Variants in DONSON observed in about 807,000 individuals in gnomAD.
DONSON encodes DNA replication fork stabilization factor DONSON.
DONSON carries 43 observed loss-of-function variants against 62.1 expected under a neutral mutation model. The observed-to-expected ratio is 0.69, with a 90% CI of 0.54 to 0.89. DONSON has a LOEUF of 0.89. DONSON is among the 40% of genes least tolerant of loss of function. The probability of loss-of-function intolerance (pLI) is 0.00; values close to 1 mark genes in which losing one functional copy is unlikely to be tolerated. For synonymous variants in DONSON, 266 were observed against 264.6 expected (o/e 1.01, Z -0.05); for missense variants, 696 against 697.5 (o/e 1.00, Z 0.03).
intron 9 of DONSON, among the ~76,000 whole-genome samples, chr21:33,578,845 T>C (rs1453490944): frequency 6.6e-6 from 1 of 152,158 alleles, no homozygotes; most frequent in East Asian, 1.9e-4. Context: ...GTTAAAACTA[T>C]TTGGACTGAG....
Position 33,586,122 on chromosome 21 carries a change from A to C in DONSON, c.462T>G (p.Pro154=). ...DIPSSKSTEL[P]VDWSIKTRLL... ...GTCGCGTTTTAATACTCCAGTCCAC[A>C]GGTAACTCAGTACTTTTTGAGGACG... The change falls in exon 3 of 10, where the codon CCT becomes CCG. Residue 154 remains proline (P), a synonymous_variant. Transcript: ENST00000303071. The C allele has an allele frequency of 6.2e-7, 1 of 1,614,188 alleles. No individual in the cohort carries two copies. The highest frequency in any genetic ancestry group is 8.5e-7 in the Non-Finnish European group (1 of 1,180,018).
At position 33,588,499 on chromosome 21, in the gene DONSON, G is replaced by A; in HGVS notation, c.143C>T (p.Ala48Val). The change falls in exon 1 of 10, where the codon GCC becomes GTC. Residue 48 changes from alanine (A) to valine (V), a missense_variant. Ala to Val is a moderately conservative substitution (Grantham distance 64). Transcript: ENST00000303071. Reference protein sequence around the residue: ...ELTEPAARRAALVAGLPLRPF... With the variant: ...ELTEPAARRAVLVAGLPLRPF... ...GCGAAGAGGCAGCCCCGCCACCAGGGCGGCTCGGCGGGCCGCCGGCTCCGT... is the reference window on the plus strand; with the variant it reads ...GCGAAGAGGCAGCCCCGCCACCAGGACGGCTCGGCGGGCCGCCGGCTCCGT... 8.0e-7 allele frequency: 1 copy of A among 1,256,016 alleles called. No homozygotes were observed. Among genetic ancestry groups the A allele is most frequent in the Non-Finnish European group, 1.0e-6 (1 of 1,000,980 alleles). 77.8% of individuals were successfully genotyped at this position (1,256,016 alleles called of 1,614,324 possible).
intron 1 of DONSON, 110 bp from the exon 2 acceptor site, chr21:33,587,712 T>A: frequency 1.5e-6 from 1 of 668,420 alleles, no homozygotes; most frequent in Non-Finnish European, 2.5e-6. Context: ...CAAGTACACC[T>A]AAATTCAGAG....
At position 33,581,588 on chromosome 21, in the gene DONSON, T is replaced by C. The variant is rs368214290; in HGVS notation, c.1152-88A>G. On this transcript the variant is annotated intron_variant, in intron 7 of 9. Coordinates refer to ENST00000303071, the MANE Select transcript of DONSON (RefSeq NM_017613.4). ...TTGATTCTGAATCACCTGAGACTCCTTTTCTCCATAATGAAATGGAAATCC... is the reference window on the plus strand; with the variant it reads ...TTGATTCTGAATCACCTGAGACTCCCTTTCTCCATAATGAAATGGAAATCC... The C allele has an allele frequency of 9.5e-6, 10 of 1,050,428 alleles. No homozygotes were observed. In the South Asian group the frequency reaches 1.4e-4, roughly 15 times the overall value. The allele number at this position is 1,050,428 out of a possible 1,614,324, so 65.1% of individuals were successfully genotyped here.
intron 2 of DONSON, among the ~76,000 whole-genome samples, chr21:33,586,796 G>A (rs2086582111): frequency 6.6e-6 from 1 of 152,024 alleles, no homozygotes; most frequent in African/African-American, 2.4e-5. Flanking sequence ...CACCACGCCT[G>A]GCTAATTTTT....
intron 4 of DONSON, among the ~76,000 whole-genome samples, chr21:33,584,377 T>C (rs746352452): frequency 6.6e-6 from 1 of 151,010 alleles, no homozygotes; most frequent in African/African-American, 2.4e-5. Flanking sequence ...CCAACACTTA[T>C]ATACATTCTA....
chr21:33,583,475 C>A lies in DONSON; in HGVS notation c.964+13G>T. The A allele has an allele frequency of 1.2e-6, 2 of 1,611,820 alleles. No individual in the cohort carries two copies. Among genetic ancestry groups the A allele is most frequent in the Non-Finnish European group, 1.7e-6 (2 of 1,178,816 alleles). ...TATAGTATAGTATTCTCACTTTAAA[C>A]CTAAACTTTTACCTTCATTTCTCAT... On this transcript the variant is annotated intron_variant, in intron 5 of 9. Coordinates refer to ENST00000303071, the MANE Select transcript of DONSON (RefSeq NM_017613.4).
rs1569073138 is a variant in DONSON, at chr21:33,577,676, CACACACACACACACACACA to C, written c.*612_*630del. 4 of 107,538 alleles carry C rather than the reference CACACACACACACACACACA, an allele frequency of 3.7e-5. 1 individual carries two copies. Among genetic ancestry groups the C allele is most frequent in the African/African-American group, 1.7e-4 (4 of 23,620 alleles). 6.7% of individuals were successfully genotyped at this position (107,538 alleles called of 1,614,324 possible). On this transcript the variant is annotated 3_prime_UTR_variant, in exon 10 of 10. Transcript: ENST00000303071. ...ACACACACACACACACACACACACA[CACACACACACACACACACA>C]CACACACCCCTATAAGCACATTAAA...
In DONSON at chr21:33,588,480, A is replaced by C; in HGVS notation, c.162T>G (p.Pro54=). ...ARRAALVAGL[P]LRPFPAAGGR... ...CCCCCGCAGCAGGGAAAGGGCGAAG[A>C]GGCAGCCCCGCCACCAGGGCGGCTC... Residue 54 remains proline (P), a synonymous_variant, in exon 1 of 10, where the codon CCT becomes CCG. Coordinates refer to ENST00000303071, the MANE Select transcript of DONSON (RefSeq NM_017613.4). 1 of 1,269,194 alleles carries C rather than the reference A, an allele frequency of 7.9e-7. No homozygotes were observed. Among genetic ancestry groups the C allele is most frequent in the Non-Finnish European group, 9.9e-7 (1 of 1,008,934 alleles). 78.6% of individuals were successfully genotyped at this position (1,269,194 alleles called of 1,614,324 possible).
intron 9 of DONSON, among the ~76,000 whole-genome samples, chr21:33,579,068 G>T (rs1314141865): frequency 2.8e-5 from 3 of 106,584 alleles, no homozygotes; most frequent in Non-Finnish European, 3.8e-5. Flanking sequence ...AACCCAGGAG[G>T]CTAAGGCTGC....
chr21:33,584,468 T>A (rs2145905544), intron 4 of DONSON, 122 bp downstream of exon 4: 3 of 972,708 alleles, frequency 3.1e-6, no homozygotes, highest in Middle Eastern at 7.1e-4. Flanking sequence ...TAGGTTCAGA[T>A]AAAATTCACA....
rs1421160829 is a variant in DONSON at position 33,578,199 on chromosome 21, A to AGTT, written c.*105_*107dup. 1 of 1,232,514 alleles carries AGTT rather than the reference A, an allele frequency of 8.1e-7. No individual in the cohort carries two copies. The highest frequency in any genetic ancestry group is 2.3e-5 in the Admixed American group (1 of 42,604). The allele number at this position is 1,232,514 out of a possible 1,614,324, so 76.3% of individuals were successfully genotyped here. ...AAACCTTAGATGCTACTGTAGTAAA[A>AGTT]GTTATGTTTATAAACATTTCAGTAT... On this transcript the variant is annotated 3_prime_UTR_variant, in exon 10 of 10. Coordinates refer to ENST00000303071, the MANE Select transcript of DONSON (RefSeq NM_017613.4).
chr21:33,582,627 A>T (rs1601314425), intron 5 of DONSON, among the ~76,000 whole-genome samples: 2 of 152,178 alleles, frequency 1.3e-5, no homozygotes, highest in Non-Finnish European at 2.9e-5. Context: ...TCAGATAGTG[A>T]CTATCTGGCC....
chr21:33,584,485 T>C, intron 4 of DONSON, 105 bp downstream of exon 4: 1 of 1,118,638 alleles, frequency 8.9e-7, no homozygotes, highest in South Asian at 1.9e-5. Context: ...CACAAGGATC[T>C]AGATACCCTT....
Position 33,588,496 on chromosome 21 carries a change from A to AG in DONSON, c.145dup (p.Leu49ProfsTer64). 8.0e-7 allele frequency: 1 copy of AG among 1,257,536 alleles called. No individual in the cohort carries two copies. Among genetic ancestry groups the AG allele is most frequent in the Non-Finnish European group, 1.0e-6 (1 of 1,001,814 alleles). The allele number at this position is 1,257,536 out of a possible 1,614,324, so 77.9% of individuals were successfully genotyped here. ...AGGGCGAAGAGGCAGCCCCGCCACC[A>AG]GGGCGGCTCGGCGGGCCGCCGGCTC... On this transcript the variant is annotated frameshift_variant, in exon 1 of 10. Transcript: ENST00000303071. LOFTEE classifies it high-confidence loss of function.
chr21:33,581,464 T>C lies in DONSON; in HGVS notation c.1188A>G (p.Arg396=), dbSNP rs1250011222. 1.2e-6 allele frequency: 2 copies of C among 1,613,796 alleles called. No homozygotes were observed. The highest frequency in any genetic ancestry group is 1.7e-6 in the Non-Finnish European group (2 of 1,179,858). ...KEKHEVQMDH[R]PESVVLVKGI... Reference sequence around the variant, plus strand: ...CTTTTACCAACACAACAGATTCAGGTCTGTGATCCATTTGTACTTCATGTT... The same window carrying C: ...CTTTTACCAACACAACAGATTCAGGCCTGTGATCCATTTGTACTTCATGTT... The change falls in exon 8 of 10, where the codon AGA becomes AGG. Residue 396 remains arginine, a synonymous_variant. Transcript: ENST00000303071.
intron 2 of DONSON, among the ~76,000 whole-genome samples, chr21:33,586,826 G>A (rs192534721): frequency 8.6e-5 from 13 of 151,904 alleles, no homozygotes; most frequent in South Asian, 2.1e-4. Flanking sequence ...TAGTCGAGAC[G>A]GGGGTTTCGT....
In DONSON at chr21:33,581,259, G is replaced by C; in HGVS notation, c.1350+43C>G. On this transcript the variant is annotated intron_variant, in intron 8 of 9. Transcript: ENST00000303071. ...TAAATCAAGAATTTATCCTATCAAA[G>C]TAAAGTACTTCTTAAAAGCTAGGTT... is the stretch of plus-strand genomic sequence containing the variant. 17 of 1,568,090 alleles carry C rather than the reference G, an allele frequency of 1.1e-5. 1 individual carries two copies. The Admixed American group carries it at 2.8e-4, about 26-fold the overall frequency.
rs1404093688 is a variant in DONSON at position 33,588,359 on chromosome 21, CG to C, written c.282del (p.Asp95ThrfsTer15). On this transcript the variant is annotated frameshift_variant, in exon 1 of 10. Transcript: ENST00000303071. LOFTEE classifies it high-confidence loss of function. Reference protein sequence around the residue: ...DNRPRVAAEPPDGPAREQPEA... With the variant: ...DNRPRVAAEPXDGPAREQPEA... ...TCCGGCTGCTCGCGGGCCGGCCCGT[CG>C]GGGGGCTCCGCGGCGACCCGCGGTC... 7.7e-6 allele frequency: 10 copies of C among 1,292,446 alleles called. No homozygotes were observed. The highest frequency in any genetic ancestry group is 3.0e-5 in the East Asian group (1 of 33,034). 80.1% of individuals were successfully genotyped at this position (1,292,446 alleles called of 1,614,324 possible).
Sources: gnomAD v4.1 joint callset for allele counts (sites outside exome capture counted in the v4.1 genomes callset) on GRCh38, gnomAD v4.1.1 for gene constraint, MANE v1.5 for transcripts, NCBI Gene and HGNC (gene_info 2026-07-23, HGNC 2026-07-21) for gene names.